Variants in RPA3 observed in about 807,000 individuals in gnomAD.
RPA3 encodes the protein replication protein A3, also known as replication protein A 14 kDa subunit.
RPA3 carries 24 observed loss-of-function variants against 13.7 expected under a neutral mutation model. The observed-to-expected ratio is 1.75, with a 90% CI of 1.27 to 2.46. The LOEUF (loss-of-function observed/expected upper bound fraction) is 2.46, where lower values mean the gene tolerates loss of function less well. Ranked by LOEUF, RPA3 falls within the 30% of genes most tolerant of loss-of-function variation. RPA3 has a pLI of 0.00. For missense variants in RPA3, 183 were observed against 151.0 expected (o/e 1.21, Z -1.11); for synonymous variants, 59 against 51.2 (o/e 1.15, Z -0.65).
intron 4 of RPA3, among the ~76,000 whole-genome samples, chr7:7,658,353 T>C (rs1281881237): frequency 6.6e-6 from 1 of 152,270 alleles, no homozygotes. Context: ...CTGTGTTGAA[T>C]AGGAGTGGTG....
At chr7:7,668,003 G>C (rs28916009) in intron 4 of RPA3, among the ~76,000 whole-genome samples, 5 of 151,828 alleles carry the variant, frequency 3.3e-5, no homozygotes, top group Non-Finnish European at 7.4e-5. Flanking sequence ...TTTCACCCCC[G>C]CCTTCTGGGC....
At position 7,641,036 on chromosome 7, in the gene RPA3, G is replaced by C. The variant is rs1340309481; in HGVS notation, c.-618C>G. ...GAATGATACGTGGTGTGGCGTCGGGGTTGTGATACCCGCCCCCTTGGAGAT... is the reference window on the plus strand; with the variant it reads ...GAATGATACGTGGTGTGGCGTCGGGCTTGTGATACCCGCCCCCTTGGAGAT... On this transcript the variant is annotated 5_prime_UTR_variant, in exon 5 of 8. Transcript: ENST00000223129. The C allele has an allele frequency of 1.3e-5, 2 of 152,804 alleles. No homozygotes were observed. The highest frequency in any genetic ancestry group is 2.9e-5 in the Non-Finnish European group (2 of 68,206). The allele number at this position is 152,804 out of a possible 1,614,324, so 9.5% of individuals were successfully genotyped here.
In RPA3 at chr7:7,651,787, T is replaced by A. The variant is rs28916276; in HGVS notation, c.-757-10612A>T. On this transcript the variant is annotated intron_variant, in intron 4 of 7. Coordinates refer to ENST00000223129, the MANE Select transcript of RPA3 (RefSeq NM_002947.5). ...AAATTGGGTCTTCCGAGACTCAGAT[T>A]TTAAAAGGTCTGTGAGTGAGTTGAA... Among the ~76,000 whole-genome samples, 466 of 152,306 alleles carry A rather than the reference T, an allele frequency of 3.1e-3. 3 individuals carry two copies. The highest frequency in any genetic ancestry group is 0.01 in the African/African-American group (436 of 41,578).
At chr7:7,687,759 AATG>A (rs1315212774) in intron 2 of RPA3, among the ~76,000 whole-genome samples, 3 of 152,260 alleles carry the variant, frequency 2.0e-5, no homozygotes, top group Non-Finnish European at 4.4e-5. Context: ...ACATATTTTT[AATG>A]ATAAGTATTA....
intron 2 of RPA3, among the ~76,000 whole-genome samples, chr7:7,688,760 C>A (rs1233745103): frequency 6.6e-6 from 1 of 152,150 alleles, no homozygotes; most frequent in Non-Finnish European, 1.5e-5. Context: ...GGACATCTAA[C>A]CCGCTGCGTA....
chr7:7,655,225 T>G (rs1446693175), intron 4 of RPA3, among the ~76,000 whole-genome samples: 3 of 152,122 alleles, frequency 2.0e-5, no homozygotes, highest in Non-Finnish European at 4.4e-5. Context: ...CATCCAGTCG[T>G]GGGAATAAAC....
At chr7:7,664,511 G>A (rs1030219635) in intron 4 of RPA3, among the ~76,000 whole-genome samples, 8 of 152,278 alleles carry the variant, frequency 5.3e-5, no homozygotes, top group African/African-American at 1.7e-4. Context: ...TTCTTTTGCA[G>A]TCTTGATTTC....
At chr7:7,642,340 G>C (rs1405474283) in intron 4 of RPA3, among the ~76,000 whole-genome samples, 6 of 151,492 alleles carry the variant, frequency 4.0e-5, no homozygotes, top group African/African-American at 1.5e-4. Flanking sequence ...TTTTTGTTCA[G>C]ATGGGGCCTC....
chr7:7,643,122 A>G (rs1785012875), intron 4 of RPA3, among the ~76,000 whole-genome samples: 1 of 152,150 alleles, frequency 6.6e-6, no homozygotes, highest in Admixed American at 6.5e-5. Flanking sequence ...GCTTCTCTAA[A>G]AATGATAATT....
At chr7:7,702,527 G>C (rs1005118171) in intron 2 of RPA3, among the ~76,000 whole-genome samples, 2 of 151,950 alleles carry the variant, frequency 1.3e-5, no homozygotes, top group Non-Finnish European at 2.9e-5. Context: ...TCTAATACTT[G>C]AAATAGCTAT....
At chr7:7,683,629 TTC>T (rs1456657173) in intron 4 of RPA3, among the ~76,000 whole-genome samples, 16 of 151,496 alleles carry the variant, frequency 1.1e-4, no homozygotes, top group Admixed American at 1.3e-4. Context: ...TCTTTTCCTT[TTC>T]TTTTTTTTAG....
chr7:7,668,816 A>T (rs941552818), intron 4 of RPA3, among the ~76,000 whole-genome samples: 1 of 152,242 alleles, frequency 6.6e-6, no homozygotes, highest in East Asian at 1.9e-4. Context: ...GTTAAGTGCT[A>T]CAGCTGGCCA....
At chr7:7,638,655 G>C (rs142349087) in intron 6 of RPA3, 1 of 155,012 alleles carries the variant, frequency 6.5e-6, no homozygotes, top group East Asian at 1.9e-4. Flanking sequence ...CTTGATCTTG[G>C]GAGGCTAAGG....
intron 2 of RPA3, chr7:7,689,531 A>G (rs531440590): frequency 1.3e-5 from 2 of 152,252 alleles, no homozygotes; most frequent in East Asian, 3.9e-4. Context: ...GCAGCTGAAA[A>G]TGTCTGCACC....
At chr7:7,677,639 T>C (rs962524441) in intron 4 of RPA3, among the ~76,000 whole-genome samples, 7 of 151,818 alleles carry the variant, frequency 4.6e-5, no homozygotes, top group Admixed American at 4.6e-4. Flanking sequence ...TACCACATTT[T>C]CTTTATCTAT....
intron 4 of RPA3, among the ~76,000 whole-genome samples, chr7:7,642,753 G>C (rs1454868085): frequency 6.6e-6 from 1 of 152,170 alleles, no homozygotes; most frequent in Non-Finnish European, 1.5e-5. Context: ...AACTTTACCA[G>C]TTACCAGTAA....
chr7:7,639,186 A>C (rs1784912833), intron 5 of RPA3, 42 bp from the exon 6 acceptor site: 3 of 1,476,564 alleles, frequency 2.0e-6, no homozygotes, highest in Non-Finnish European at 2.8e-6. Flanking sequence ...TAAAACAACA[A>C]CAAAGTTTGA....
intron 4 of RPA3, among the ~76,000 whole-genome samples, chr7:7,684,297 G>A (rs1283800420): frequency 1.3e-5 from 2 of 151,710 alleles, no homozygotes; most frequent in African/African-American, 2.4e-5. Context: ...TGCCTCCCGC[G>A]TTCAAGCAAT....
chr7:7,665,080 A>G (rs770504803), intron 4 of RPA3, among the ~76,000 whole-genome samples: 45 of 152,212 alleles, frequency 3.0e-4, no homozygotes, highest in Non-Finnish European at 5.7e-4. Flanking sequence ...AGCTGCATCA[A>G]TCACACAGGA....
Sources: allele counts gnomAD v4.1 joint callset (sites outside exome capture counted in the v4.1 genomes callset), GRCh38; gene constraint gnomAD v4.1.1; transcripts MANE v1.5; gene names NCBI Gene and HGNC (gene_info 2026-07-23, HGNC 2026-07-21).